RBKS: variants seen among roughly 807,000 people sequenced by gnomAD.
RBKS encodes the protein ribokinase.
Under a neutral mutation model 33.9 loss-of-function variants are expected in RBKS, and 33 were observed. The observed-to-expected ratio is 0.97, with a 90% CI of 0.74 to 1.30. The LOEUF (loss-of-function observed/expected upper bound fraction) is 1.30. RBKS is among the 50% of genes most tolerant of loss of function. RBKS has a pLI of 0.00. For missense variants in RBKS, 361 were observed against 392.6 expected (o/e 0.92, Z 0.68); for synonymous variants, 125 against 143.0 (o/e 0.87, Z 0.90).
At chr2:27,851,543 T>C (rs1663745284) in intron 2 of RBKS, among the ~76,000 whole-genome samples, 1 of 152,100 alleles carries the variant, frequency 6.6e-6, no homozygotes, top group African/African-American at 2.4e-5. Context: ...AAATTTTTTA[T>C]TTTTTTATTT....
chr2:27,884,890 A>G (rs907353826), intron 1 of RBKS, among the ~76,000 whole-genome samples: 2 of 152,034 alleles, frequency 1.3e-5, no homozygotes, highest in African/African-American at 2.4e-5. Context: ...ATTTTATTAA[A>G]AATTTATCCT....
At chr2:27,852,331 C>A (rs1285004578) in intron 2 of RBKS, among the ~76,000 whole-genome samples, 1 of 152,168 alleles carries the variant, frequency 6.6e-6, no homozygotes, top group Non-Finnish European at 1.5e-5. Flanking sequence ...TAAATATCCA[C>A]ATGTGGCTAG....
chr2:27,827,725 T>C lies in RBKS; in HGVS notation c.637A>G (p.Ser213Gly), dbSNP rs188614400. ...GCAGCCTCCCCAGCATCTGCAGCGC[T>C]GCCCACCGTGAGGCCAGTTAAAATC... ...AEILTGLTVG[S>G]AADAGEAALV... Residue 213 changes from serine (S) to glycine (G), a missense_variant, in exon 7 of 8, where the codon AGC becomes GGC. Transcript: ENST00000302188. The C allele has an allele frequency of 6.2e-7, 1 of 1,607,520 alleles. No homozygotes were observed. Among genetic ancestry groups the C allele is most frequent in the African/African-American group, 1.3e-5 (1 of 74,334 alleles).
In RBKS at chr2:27,794,174, G is replaced by A. The variant is rs1677592163; in HGVS notation, c.796-12386C>T. On this transcript the variant is annotated intron_variant, in intron 7 of 7. Transcript: ENST00000302188. ...TAGCCGGGCGTGGTGGTGCATGCCT[G>A]TAATAACAGCTACTTGGGAGGCCGA... Among the ~76,000 whole-genome samples, 3 of 151,658 alleles carry A rather than the reference G, an allele frequency of 2.0e-5. No individual in the cohort carries two copies. In the South Asian group the frequency reaches 6.2e-4, roughly 31 times the overall value.
intron 4 of RBKS, 82 bp from the exon 5 acceptor site, chr2:27,843,313 C>T: frequency 9.7e-7 from 1 of 1,030,620 alleles, no homozygotes; most frequent in Non-Finnish European, 1.4e-6. Context: ...ATACAATCGC[C>T]CTTGTAAAGT....
chr2:27,873,196 C>T (rs1469746197), intron 1 of RBKS, among the ~76,000 whole-genome samples: 2 of 152,182 alleles, frequency 1.3e-5, no homozygotes, highest in African/African-American at 4.8e-5. Context: ...ATCCTCTGCT[C>T]ATTACAACCC....
At chr2:27,784,901 C>T (rs1263133706) in intron 7 of RBKS, among the ~76,000 whole-genome samples, 1 of 152,122 alleles carries the variant, frequency 6.6e-6, no homozygotes, top group Non-Finnish European at 1.5e-5. Flanking sequence ...TGGTTCCTTC[C>T]CACTCTCAGT....
rs562883799 is a variant in RBKS, at chr2:27,799,283, C to T, written c.796-17495G>A. On this transcript the variant is annotated intron_variant, in intron 7 of 7. Transcript: ENST00000302188. Reference sequence around the variant, plus strand: ...TCCAAGGTAAGATCTTGTCAGGCAGCTCTAACAGATTCCAGACAATCTTGC... The same window carrying T: ...TCCAAGGTAAGATCTTGTCAGGCAGTTCTAACAGATTCCAGACAATCTTGC... Among the ~76,000 whole-genome samples, 6 of 152,316 alleles carry T rather than the reference C, an allele frequency of 3.9e-5. No individual in the cohort carries two copies. In the East Asian group the frequency reaches 1.2e-3, roughly 29 times the overall value.
chr2:27,852,176 T>C (rs1403697085), intron 2 of RBKS, among the ~76,000 whole-genome samples: 2 of 152,218 alleles, frequency 1.3e-5, no homozygotes, highest in African/African-American at 2.4e-5. Flanking sequence ...TGCCATCCAA[T>C]AGAACTTTCT....
intron 7 of RBKS, among the ~76,000 whole-genome samples, chr2:27,782,875 G>A (rs2148178310): frequency 6.6e-6 from 1 of 152,028 alleles, no homozygotes; most frequent in Non-Finnish European, 1.5e-5. Context: ...TTAAGGGTGG[G>A]GTTTCTATGC....
intron 5 of RBKS, among the ~76,000 whole-genome samples, chr2:27,833,073 T>C (rs1311043507): frequency 6.6e-6 from 1 of 152,126 alleles, no homozygotes; most frequent in Non-Finnish European, 1.5e-5. Flanking sequence ...ACAGGAACAT[T>C]AGAGAAAAGT....
rs752737123 is a variant in RBKS, at chr2:27,832,730, G to A, written c.562C>T (p.Gln188Ter). 10 of 1,612,448 alleles carry A rather than the reference G, an allele frequency of 6.2e-6. No individual in the cohort carries two copies. Among genetic ancestry groups the A allele is most frequent in the African/African-American group, 2.7e-5 (2 of 74,564 alleles). The change falls in exon 6 of 8, where the codon CAG (glutamine) becomes TAG (stop). Residue 188 changes from glutamine to a stop codon, truncating the protein, a stop_gained. Coordinates refer to ENST00000302188, the MANE Select transcript of RBKS (RefSeq NM_022128.3). LOFTEE classifies it high-confidence loss of function. Reference sequence around the variant, plus strand: ...AACACATCTGAGAGGGTGTAGAACTGGGGATCCAGGTCAGCAATGGCAGGG... The same window carrying A: ...AACACATCTGAGAGGGTGTAGAACTAGGGATCCAGGTCAGCAATGGCAGGG... ...PAPAIADLDP[Q>*]FYTLSDVFCC... is the part of the protein sequence containing the mutation.
intron 7 of RBKS, among the ~76,000 whole-genome samples, chr2:27,801,462 T>TACACACACAC (rs1491245145): frequency 4.7e-4 from 39 of 83,068 alleles, no homozygotes; most frequent in East Asian, 1.5e-3. Context: ...AGGGCCACAG[T>TACACACACAC]ATACACACAC....
chr2:27,820,558 TC>T (rs1369148035), intron 7 of RBKS, among the ~76,000 whole-genome samples: 53 of 98,400 alleles, frequency 5.4e-4, no homozygotes, highest in African/African-American at 1.5e-3. Context: ...ATTCTCTCTC[TC>T]TCTCTCTCTC....
In RBKS at chr2:27,795,027, G is replaced by A. The variant is rs1431132704; in HGVS notation, c.796-13239C>T. ...GTTGTGATGGTATCCAGCGCCCTGT[G>A]CCAAGACCACCACTGGTTTCTTCTG... On this transcript the variant is annotated intron_variant, in intron 7 of 7. Coordinates refer to ENST00000302188, the MANE Select transcript of RBKS (RefSeq NM_022128.3). This position sits in a 1 kb window ranked among gnomAD's most constrained non-coding sequence, Gnocchi z 4.1. 6.6e-6 allele frequency among the ~76,000 whole-genome samples: 1 copy of A among 152,136 alleles called. No homozygotes were observed. The highest frequency in any genetic ancestry group is 1.5e-5 in the Non-Finnish European group (1 of 68,026).
chr2:27,834,302 T>G (rs1678475289), intron 5 of RBKS, among the ~76,000 whole-genome samples: 1 of 151,056 alleles, frequency 6.6e-6, no homozygotes, highest in South Asian at 2.1e-4. Flanking sequence ...TTCCCACATT[T>G]TTGTTATTTC....
intron 5 of RBKS, among the ~76,000 whole-genome samples, chr2:27,842,659 CTTT>C (rs200985638): frequency 1.4e-5 from 2 of 142,956 alleles, no homozygotes; most frequent in African/African-American, 5.1e-5. Flanking sequence ...TTCAGGAATT[CTTT>C]TTTTTTTTTT....
intron 7 of RBKS, among the ~76,000 whole-genome samples, chr2:27,801,563 G>A (rs1481091779): frequency 6.6e-6 from 1 of 151,864 alleles, no homozygotes; most frequent in Non-Finnish European, 1.5e-5. Context: ...ATGACAGTGT[G>A]AAAGTGATAC....
At chr2:27,815,204 GTTT>G (rs975580654) in intron 7 of RBKS, among the ~76,000 whole-genome samples, 1 of 151,888 alleles carries the variant, frequency 6.6e-6, no homozygotes, top group Non-Finnish European at 1.5e-5. Context: ...GCTCTAGGTG[GTTT>G]TTTTTCCCCC....
Sources: gnomAD v4.1 joint callset for allele counts (sites outside exome capture counted in the v4.1 genomes callset) on GRCh38, gnomAD v4.1.1 for gene constraint, Gnocchi (gnomAD v3.1) non-coding constraint, MANE v1.5 for transcripts, NCBI Gene and HGNC (gene_info 2026-07-23, HGNC 2026-07-21) for gene names.